The following SRGAP2 variants were observed in gnomAD, a reference collection of about 807,000 sequenced individuals.
SRGAP2 encodes SLIT-ROBO Rho GTPase-activating protein 2.
In SRGAP2, 15 loss-of-function variants were observed where a neutral mutation model predicts 57.2. The ratio of observed to expected loss-of-function variants is 0.26; its 90% CI spans 0.18 to 0.40. SRGAP2 has a LOEUF of 0.40. SRGAP2 is among the 10% of genes least tolerant of loss of function. The pLI, the probability that SRGAP2 is intolerant of heterozygous loss-of-function variation, is 1.00. For synonymous variants in SRGAP2, 249 were observed against 248.0 expected (o/e 1.00, Z -0.04); for missense variants, 520 against 669.6 (o/e 0.78, Z 2.47).
At chr1:206,418,884 CTCTCTGTGTG>C (rs1553363132) in intron 11 of SRGAP2, among the ~76,000 whole-genome samples, 13 of 109,148 alleles carry the variant, frequency 1.2e-4, no homozygotes, top group African/African-American at 5.1e-4. Flanking sequence ...GCCTCCAACT[CTCTCTGTGTG>C]TGTGTGTGTG....
chr1:206,298,391 G>A (rs1348476944), intron 2 of SRGAP2, among the ~76,000 whole-genome samples: 12 of 152,186 alleles, frequency 7.9e-5, no homozygotes, highest in Non-Finnish European at 1.6e-4. Context: ...CCAAGAATCC[G>A]TTCCTCCTTT....
chr1:206,419,386 T>C lies in SRGAP2; in HGVS notation c.1455T>C (p.Asp485=), dbSNP rs782528033. 3 of 780,710 alleles carry C rather than the reference T, an allele frequency of 3.8e-6. No individual in the cohort carries two copies. Among genetic ancestry groups the C allele is most frequent in the East Asian group, 2.4e-5 (1 of 41,258 alleles). 48.4% of individuals were successfully genotyped at this position (780,710 alleles called of 1,614,324 possible). A position where few individuals can be genotyped will look rare whatever the true frequency, so the allele number is the denominator to read the frequency against. The change falls in exon 12 of 23, where the codon GAT becomes GAC. Residue 485 remains aspartate (D), a synonymous_variant. Coordinates refer to ENST00000573034, the MANE Select transcript of SRGAP2 (RefSeq NM_015326.5). ...QKTLGESQRT[D]CSLARRSSTV... ...TGTTTCCAACAGGTCAGCGGACAGA[T>C]TGCAGTCTAGCCAGGTGAGTGTGGC...
In SRGAP2 at chr1:206,462,750, A is replaced by T. The variant is rs1664344002; in HGVS notation, c.*1330A>T. 1 of 152,200 alleles carries T rather than the reference A, an allele frequency of 6.6e-6. No homozygotes were observed. The highest frequency in any genetic ancestry group is 2.4e-5 in the African/African-American group (1 of 41,454). 9.4% of individuals were successfully genotyped at this position (152,200 alleles called of 1,614,324 possible). On this transcript the variant is annotated 3_prime_UTR_variant, in exon 23 of 23. Transcript: ENST00000573034. Reference sequence around the variant, plus strand: ...AAAGAAAATTAAAATTTGAATGCTGAATATTCTGGCTCTACTCTGGCCTTT... The same window carrying T: ...AAAGAAAATTAAAATTTGAATGCTGTATATTCTGGCTCTACTCTGGCCTTT...
In SRGAP2 at chr1:206,461,376, T is replaced by C. The variant is rs1553380713; in HGVS notation, c.3172T>C (p.Ser1058Pro). 1 of 780,466 alleles carries C rather than the reference T, an allele frequency of 1.3e-6. No homozygotes were observed. Among genetic ancestry groups the C allele is most frequent in the Non-Finnish European group, 2.4e-6 (1 of 417,716 alleles). The allele number at this position is 780,466 out of a possible 1,614,324, so 48.3% of individuals were successfully genotyped here. The change falls in exon 23 of 23, where the codon TCA becomes CCA. Residue 1058 changes from serine (S) to proline (P), a missense_variant. Transcript: ENST00000573034. ...KTNATSPGVN[S>P]STSPQSTDKS... ...AAATGCCACTAGCCCTGGTGTCAAC[T>C]CATCAACTTCCCCACAGTCTACTGA...
rs1553343001 is a variant in SRGAP2 at position 206,373,018 on chromosome 1, TTTC to T, written c.424-10993_424-10991del. ...CTTTCTTTCTTTCTTTCTTTCTTTCTTTCTTTCTTTTCTTTCTCTCTCTCTCTC... is the reference window on the plus strand; with the variant it reads ...CTTTCTTTCTTTCTTTCTTTCTTTCTTTTCTTTTCTTTCTCTCTCTCTCTC... On this transcript the variant is annotated intron_variant, in intron 4 of 22. Coordinates refer to ENST00000573034, the MANE Select transcript of SRGAP2 (RefSeq NM_015326.5). Among the ~76,000 whole-genome samples the T allele has an allele frequency of 1.3e-4, 16 of 121,502 alleles. 1 individual carries two copies. The highest frequency in any genetic ancestry group is 2.9e-4 in the South Asian group (1 of 3,410). 79.7% of individuals were successfully genotyped at this position (121,502 alleles called of 152,430 possible). A position where few individuals can be genotyped will look rare whatever the true frequency, so the allele number is the denominator to read the frequency against.
At chr1:206,291,562 T>C in intron 2 of SRGAP2, among the ~76,000 whole-genome samples, 1 of 151,812 alleles carries the variant, frequency 6.6e-6, no homozygotes, top group Non-Finnish European at 1.5e-5. Flanking sequence ...GAATGCGGTC[T>C]ATCCTCTTAA....
At chr1:206,226,802 A>G (rs1442351564) in intron 2 of SRGAP2, among the ~76,000 whole-genome samples, 2 of 152,190 alleles carry the variant, frequency 1.3e-5, no homozygotes, top group Non-Finnish European at 2.9e-5. Context: ...ACGTGAAATG[A>G]CGTGCCATGT....
chr1:206,447,615 G>A lies in SRGAP2; in HGVS notation c.2099+1316G>A, dbSNP rs538095350. 1.2e-4 allele frequency among the ~76,000 whole-genome samples: 19 copies of A among 152,314 alleles called. No homozygotes were observed. The South Asian group carries it at 3.7e-3, about 30-fold the overall frequency. ...TGGTCACTTTAGGTCTCAGCCTACTGGATGATGAGCTCCAGGGAGCTGTCC... is the reference window on the plus strand; with the variant it reads ...TGGTCACTTTAGGTCTCAGCCTACTAGATGATGAGCTCCAGGGAGCTGTCC... On this transcript the variant is annotated intron_variant, in intron 18 of 22. Transcript: ENST00000573034.
chr1:206,205,022 C>G (rs1323570328), intron 1 of SRGAP2: 1 of 152,038 alleles, frequency 6.6e-6, no homozygotes, highest in African/African-American at 2.4e-5. Flanking sequence ...TATCCCTCCC[C>G]GGCTTTGATC....
chr1:206,292,664 G>C (rs1394022393), intron 2 of SRGAP2, among the ~76,000 whole-genome samples: 1 of 147,256 alleles, frequency 6.8e-6, no homozygotes, highest in East Asian at 1.9e-4. Context: ...ATCTCTCCTT[G>C]CTTTGCTTTC....
At chr1:206,359,667 A>C (rs1676732476) in intron 4 of SRGAP2, among the ~76,000 whole-genome samples, 1 of 117,846 alleles carries the variant, frequency 8.5e-6, no homozygotes, top group Non-Finnish European at 1.7e-5. Context: ...AGATAACAAA[A>C]AGTTCTTGCC....
intron 2 of SRGAP2, among the ~76,000 whole-genome samples, chr1:206,249,592 G>A (rs562878566): frequency 1.5e-4 from 22 of 148,014 alleles, no homozygotes; most frequent in Middle Eastern, 3.4e-3. Context: ...AGGGCCTGTC[G>A]GGGGGTGAGA....
intron 2 of SRGAP2, among the ~76,000 whole-genome samples, chr1:206,239,913 G>A (rs1404218838): frequency 2.7e-5 from 4 of 150,888 alleles, no homozygotes; most frequent in South Asian, 2.1e-4. Context: ...TAGCAAGACT[G>A]ATTTCATGTT....
chr1:206,341,520 A>G (rs1553335232), intron 3 of SRGAP2, among the ~76,000 whole-genome samples: 1 of 151,810 alleles, frequency 6.6e-6, no homozygotes, highest in African/African-American at 2.4e-5. Context: ...TTTAAGTCAA[A>G]CAACATGTAT....
chr1:206,268,069 C>CTA (rs1351182065), intron 2 of SRGAP2, among the ~76,000 whole-genome samples: 32 of 145,406 alleles, frequency 2.2e-4, no homozygotes, highest in South Asian at 2.1e-3. Context: ...TGAACATGGA[C>CTA]TATATATATA....
intron 13 of SRGAP2, among the ~76,000 whole-genome samples, chr1:206,428,693 C>T (rs182083680): frequency 5.9e-5 from 9 of 152,222 alleles, no homozygotes; most frequent in East Asian, 1.9e-4. Context: ...GACAGGGTCC[C>T]GCTCCATCAC....
intron 17 of SRGAP2, among the ~76,000 whole-genome samples, chr1:206,444,372 TTC>T (rs1662574137): frequency 1.3e-5 from 2 of 152,200 alleles, no homozygotes; most frequent in Non-Finnish European, 2.9e-5. Flanking sequence ...AATTGAACAG[TTC>T]TTACCTTAGC....
chr1:206,436,744 G>A (rs960058961), intron 14 of SRGAP2, among the ~76,000 whole-genome samples: 1 of 152,328 alleles, frequency 6.6e-6, no homozygotes. Flanking sequence ...GGAGTCAAAG[G>A]AGTCTCTAAC....
chr1:206,309,274 G>A (rs533663540), intron 3 of SRGAP2, among the ~76,000 whole-genome samples: 17 of 151,480 alleles, frequency 1.1e-4, no homozygotes, highest in African/African-American at 4.1e-4. Context: ...ATTTTCAAGA[G>A]CAGTGGAAAA....
Sources: gnomAD v4.1 joint callset for allele counts (sites outside exome capture counted in the v4.1 genomes callset) on GRCh38, gnomAD v4.1.1 for gene constraint, MANE v1.5 for transcripts, NCBI Gene and HGNC (gene_info 2026-07-23, HGNC 2026-07-21) for gene names.